PIK3R1: variants seen among roughly 807,000 people sequenced by gnomAD.
The protein encoded by PIK3R1 is phosphoinositide-3-kinase regulatory subunit 1.
In PIK3R1, 29 loss-of-function variants were observed where a neutral mutation model predicts 98.0. The ratio of observed to expected loss-of-function variants is 0.30; its 90% CI spans 0.22 to 0.40. The LOEUF (loss-of-function observed/expected upper bound fraction) is 0.40. PIK3R1 is among the 10% of genes least tolerant of loss of function. The pLI is 1.00. For synonymous variants in PIK3R1, 282 were observed against 311.8 expected (o/e 0.90, Z 1.01); for missense variants, 596 against 872.7 (o/e 0.68, Z 3.99).
intron 2 of PIK3R1, among the ~76,000 whole-genome samples, chr5:68,243,585 GA>G (rs1209518473): frequency 1.3e-5 from 2 of 152,072 alleles, no homozygotes; most frequent in African/African-American, 2.4e-5. Flanking sequence ...GGTCACTGGA[GA>G]AAATGTGTAA....
intron 2 of PIK3R1, among the ~76,000 whole-genome samples, chr5:68,249,706 G>A (rs1173086600): frequency 6.6e-6 from 1 of 152,054 alleles, no homozygotes; most frequent in African/African-American, 2.4e-5. Context: ...ATTTAAATAG[G>A]TGTTTATAGT....
At chr5:68,290,579 C>T (rs538998166) in intron 7 of PIK3R1, 9 of 1,191,390 alleles carry the variant, frequency 7.6e-6, no homozygotes, top group Non-Finnish European at 1.0e-5. Context: ...GGTCTGGTGA[C>T]ATTTTTCTGA....
chr5:68,243,962 A>G (rs1315576580), intron 2 of PIK3R1, among the ~76,000 whole-genome samples: 1 of 152,154 alleles, frequency 6.6e-6, no homozygotes, highest in Non-Finnish European at 1.5e-5. Context: ...TTCTCTTACA[A>G]TGAGAAGATT....
In PIK3R1 at chr5:68,288,572, C is replaced by T. The variant is rs528734752; in HGVS notation, c.917-3687C>T. ...GTGCACGCCCGGAGGGTCCTGGCGG[C>T]GCCCCCGCTCCTGCGCGCACTCTCG... On this transcript the variant is annotated intron_variant, in intron 7 of 15. Transcript: ENST00000521381. 1.7e-4 allele frequency: 264 copies of T among 1,515,664 alleles called. No homozygotes were observed. In the African/African-American group the frequency reaches 2.8e-3, roughly 16 times the overall value. The allele number at this position is 1,515,664 out of a possible 1,614,324, so 93.9% of individuals were successfully genotyped here. A position where few individuals can be genotyped will look rare whatever the true frequency, so the allele number is the denominator to read the frequency against.
At chr5:68,279,321 G>T (rs1746718490) in intron 4 of PIK3R1, among the ~76,000 whole-genome samples, 1 of 152,114 alleles carries the variant, frequency 6.6e-6, no homozygotes, top group South Asian at 2.1e-4. Flanking sequence ...CCCAAAGTGT[G>T]GAGGTCTGCT....
At chr5:68,283,031 T>C (rs1240482348) in intron 7 of PIK3R1, among the ~76,000 whole-genome samples, 2 of 152,348 alleles carry the variant, frequency 1.3e-5, no homozygotes, top group East Asian at 3.9e-4. Flanking sequence ...CCAGTGCAAA[T>C]GACTGCTATG....
At chr5:68,234,845 T>G (rs1744606437) in intron 2 of PIK3R1, among the ~76,000 whole-genome samples, 1 of 152,106 alleles carries the variant, frequency 6.6e-6, no homozygotes, top group African/African-American at 2.4e-5. Flanking sequence ...GAAGTCAGAG[T>G]GACTGTCTGG....
chr5:68,254,129 G>T (rs1014323205), intron 2 of PIK3R1, among the ~76,000 whole-genome samples: 1 of 152,138 alleles, frequency 6.6e-6, no homozygotes, highest in Admixed American at 6.5e-5. Context: ...CAGTGTTGGA[G>T]CAAACTTCTC....
intron 4 of PIK3R1, among the ~76,000 whole-genome samples, chr5:68,279,362 C>T (rs949935792): frequency 6.6e-6 from 1 of 152,074 alleles, no homozygotes; most frequent in African/African-American, 2.4e-5. Context: ...GTCAGGCATC[C>T]TAAGTGCTTG....
intron 7 of PIK3R1, among the ~76,000 whole-genome samples, chr5:68,288,127 G>C (rs1225022485): frequency 2.0e-5 from 3 of 152,150 alleles, no homozygotes; most frequent in Admixed American, 2.0e-4. Flanking sequence ...GCTGTGCATA[G>C]TGCCTCGCTT....
chr5:68,221,184 T>C (rs963827315), intron 1 of PIK3R1, among the ~76,000 whole-genome samples: 1 of 152,234 alleles, frequency 6.6e-6, no homozygotes, highest in Non-Finnish European at 1.5e-5. Context: ...GAACCAAATA[T>C]ACTTCTGTTG....
intron 2 of PIK3R1, among the ~76,000 whole-genome samples, chr5:68,270,314 G>A (rs1746296671): frequency 3.9e-5 from 6 of 152,134 alleles, no homozygotes; most frequent in Admixed American, 3.9e-4. Context: ...CAAGCTTAAT[G>A]AAGAAAGAGC....
At chr5:68,281,047 T>G (rs1158200903) in intron 7 of PIK3R1, 41 bp downstream of exon 7, 1 of 1,356,184 alleles carries the variant, frequency 7.4e-7, no homozygotes, top group Admixed American at 2.1e-5. Context: ...CATTGTTCAT[T>G]TTTTAGAGCC....
intron 2 of PIK3R1, among the ~76,000 whole-genome samples, chr5:68,229,325 C>T (rs1276376283): frequency 6.6e-6 from 1 of 152,070 alleles, no homozygotes; most frequent in Non-Finnish European, 1.5e-5. Context: ...CTTTTGCCTC[C>T]GTTTGTATTT....
At chr5:68,253,667 A>G (rs573724043) in intron 2 of PIK3R1, among the ~76,000 whole-genome samples, 2 of 152,218 alleles carry the variant, frequency 1.3e-5, no homozygotes, top group Non-Finnish European at 2.9e-5. Context: ...GATGCCCCCA[A>G]CATGAGCTAT....
intron 2 of PIK3R1, among the ~76,000 whole-genome samples, chr5:68,262,645 ACATGTATCTG>A (rs1178914326): frequency 6.8e-5 from 9 of 132,060 alleles, no homozygotes; most frequent in South Asian, 2.2e-4. Flanking sequence ...ACATGTATAC[ACATGTATCTG>A]CATGTATACA....
At chr5:68,250,442 G>C (rs1003611085) in intron 2 of PIK3R1, among the ~76,000 whole-genome samples, 26 of 152,326 alleles carry the variant, frequency 1.7e-4, no homozygotes, top group African/African-American at 6.3e-4. Context: ...GGGGGGATTA[G>C]ATTATTTCCA....
intron 7 of PIK3R1, chr5:68,288,845 C>A: frequency 8.0e-7 from 1 of 1,244,028 alleles, no homozygotes; most frequent in Non-Finnish European, 1.2e-6. Flanking sequence ...GCGTGCGCCC[C>A]TGTAAGCGCT....
intron 2 of PIK3R1, among the ~76,000 whole-genome samples, chr5:68,230,614 C>T (rs559080965): frequency 6.6e-6 from 1 of 152,290 alleles, no homozygotes; most frequent in Non-Finnish European, 1.5e-5. Context: ...TTATTTTCTT[C>T]CCAGGGCCTG....
Sources: gnomAD v4.1 joint callset for allele counts (sites outside exome capture counted in the v4.1 genomes callset) on GRCh38, gnomAD v4.1.1 for gene constraint, MANE v1.5 for transcripts, NCBI Gene and HGNC (gene_info 2026-07-23, HGNC 2026-07-21) for gene names.